The following TMEM135 variants were observed in gnomAD, a reference collection of about 807,000 sequenced individuals.
TMEM135 encodes peroxisomal membrane protein 52.
TMEM135 carries 30 observed loss-of-function variants against 60.3 expected under a neutral mutation model. That is an observed-to-expected ratio of 0.50 (90% CI 0.37 to 0.68). The LOEUF (loss-of-function observed/expected upper bound fraction) is 0.68. Ranked by LOEUF, TMEM135 falls within the 30% of genes least tolerant of loss-of-function variation. TMEM135 has a pLI of 0.00. For missense variants in TMEM135, 468 were observed against 548.8 expected (o/e 0.85, Z 1.47); for synonymous variants, 190 against 186.7 (o/e 1.02, Z -0.14).
chr11:87,229,492 A>C (rs1940841091), intron 5 of TMEM135, among the ~76,000 whole-genome samples: 1 of 152,164 alleles, frequency 6.6e-6, no homozygotes, highest in Non-Finnish European at 1.5e-5. Flanking sequence ...TAACTAGTGT[A>C]AGGGAATAGC....
intron 5 of TMEM135, among the ~76,000 whole-genome samples, chr11:87,200,910 T>C (rs649675): frequency 0.13 from 20,007 of 152,252 alleles, 1,371 homozygotes; most frequent in Non-Finnish European, 0.15. Flanking sequence ...CTTTAATATG[T>C]ATTTAAGACA....
chr11:87,088,200 A>G (rs1056519042), intron 3 of TMEM135, among the ~76,000 whole-genome samples: 1 of 152,200 alleles, frequency 6.6e-6, no homozygotes, highest in Non-Finnish European at 1.5e-5. Flanking sequence ...AACCCTGTAC[A>G]GGAACTGTGT....
At chr11:87,312,539 T>C (rs1942657282) in intron 10 of TMEM135, among the ~76,000 whole-genome samples, 1 of 151,962 alleles carries the variant, frequency 6.6e-6, no homozygotes, top group Admixed American at 6.6e-5. Flanking sequence ...TTAGGCTTTG[T>C]GACCATATGG....
intron 6 of TMEM135, among the ~76,000 whole-genome samples, chr11:87,251,022 T>C (rs1263927035): frequency 6.6e-6 from 1 of 152,040 alleles, no homozygotes; most frequent in Non-Finnish European, 1.5e-5. Flanking sequence ...ATGAGGAAGA[T>C]GAAAAACGCT....
In TMEM135 at chr11:87,220,641, A is replaced by T. The variant is rs1050771021; in HGVS notation, c.463-15997A>T. Among the ~76,000 whole-genome samples the T allele has an allele frequency of 2.0e-5, 3 of 152,174 alleles. No homozygotes were observed. In the East Asian group the frequency reaches 5.8e-4, roughly 29 times the overall value. On this transcript the variant is annotated intron_variant, in intron 5 of 14. Coordinates refer to ENST00000305494, the MANE Select transcript of TMEM135 (RefSeq NM_022918.4). Reference sequence around the variant, plus strand: ...GGTATTTAGACATCGTGTTTTAGAAATATCCCAGAGAGAATGTTCTACATG... The same window carrying T: ...GGTATTTAGACATCGTGTTTTAGAATTATCCCAGAGAGAATGTTCTACATG...
intron 4 of TMEM135, among the ~76,000 whole-genome samples, chr11:87,154,460 AG>A (rs542102648): frequency 2.7e-4 from 41 of 152,312 alleles, no homozygotes; most frequent in African/African-American, 9.4e-4. Context: ...TCTCTTTGAG[AG>A]CCTACATTCA....
chr11:87,166,657 G>A (rs1411421203), intron 5 of TMEM135, among the ~76,000 whole-genome samples: 1 of 151,494 alleles, frequency 6.6e-6, no homozygotes, highest in Non-Finnish European at 1.5e-5. Flanking sequence ...CTGTTCCATT[G>A]GCCTATATAT....
intron 5 of TMEM135, among the ~76,000 whole-genome samples, chr11:87,225,309 C>T (rs1185012750): frequency 1.3e-5 from 2 of 151,932 alleles, no homozygotes; most frequent in African/African-American, 4.8e-5. Context: ...GGTAATGATC[C>T]CTACATCGCA....
chr11:87,264,900 G>T (rs1364888625), intron 6 of TMEM135, among the ~76,000 whole-genome samples: 1 of 151,898 alleles, frequency 6.6e-6, no homozygotes, highest in Non-Finnish European at 1.5e-5. Flanking sequence ...TTTTAAAGCT[G>T]TGAACTACTT....
chr11:87,054,689 C>G (rs142256145), intron 1 of TMEM135, among the ~76,000 whole-genome samples: 47 of 152,212 alleles, frequency 3.1e-4, no homozygotes, highest in African/African-American at 1.1e-3. Context: ...GATTAATCCA[C>G]TTTGGGAGTT....
chr11:87,264,535 T>C (rs1941713303), intron 6 of TMEM135, among the ~76,000 whole-genome samples: 1 of 151,914 alleles, frequency 6.6e-6, no homozygotes, highest in Admixed American at 6.6e-5. Context: ...TTAGCATATG[T>C]TTATAATCGC....
chr11:87,322,578 T>G lies in TMEM135; in HGVS notation c.*1245T>G, dbSNP rs1211274191. 2.2e-6 allele frequency: 1 copy of G among 453,914 alleles called. No individual in the cohort carries two copies. The highest frequency in any genetic ancestry group is 1.6e-5 in the South Asian group (1 of 64,474). The allele number at this position is 453,914 out of a possible 1,614,324, so 28.1% of individuals were successfully genotyped here. On this transcript the variant is annotated 3_prime_UTR_variant, in exon 15 of 15. Coordinates refer to ENST00000305494, the MANE Select transcript of TMEM135 (RefSeq NM_022918.4). ...GAAGTGGTCTACAGTTAATGTGACATGTAGGGATGATGATATTTTTAAAAT... is the reference window on the plus strand; with the variant it reads ...GAAGTGGTCTACAGTTAATGTGACAGGTAGGGATGATGATATTTTTAAAAT...
chr11:87,268,903 T>C (rs945530969), intron 6 of TMEM135, among the ~76,000 whole-genome samples: 3 of 152,188 alleles, frequency 2.0e-5, no homozygotes, highest in African/African-American at 7.2e-5. Flanking sequence ...ACAGTTCTGC[T>C]TAAGATGCCT....
intron 1 of TMEM135, among the ~76,000 whole-genome samples, chr11:87,054,377 T>C (rs1235156428): frequency 1.3e-5 from 2 of 152,166 alleles, no homozygotes. Flanking sequence ...GAGGTTGCGA[T>C]GAGCCTAGAT....
intron 4 of TMEM135, among the ~76,000 whole-genome samples, chr11:87,136,221 A>C (rs892114673): frequency 1.3e-5 from 2 of 152,156 alleles, no homozygotes; most frequent in African/African-American, 4.8e-5. Flanking sequence ...GAGTTAAAAA[A>C]ATTTTTGGAA....
At chr11:87,112,820 T>C (rs1281946414) in intron 4 of TMEM135, among the ~76,000 whole-genome samples, 1 of 152,096 alleles carries the variant, frequency 6.6e-6, no homozygotes, top group Non-Finnish European at 1.5e-5. Context: ...GGTTTTTTTT[T>C]CTTCCAATAA....
chr11:87,091,087 A>G lies in TMEM135; in HGVS notation c.363-275A>G, dbSNP rs568800838. ...ATTATACCACTCTTGCCAATAACAA[A>G]TAACAATGGGGAAATAGTAATTTTA... On this transcript the variant is annotated intron_variant, in intron 3 of 14. Coordinates refer to ENST00000305494, the MANE Select transcript of TMEM135 (RefSeq NM_022918.4). 1.1e-4 allele frequency among the ~76,000 whole-genome samples: 17 copies of G among 152,202 alleles called. No homozygotes were observed. In the South Asian group the frequency reaches 3.5e-3, roughly 32 times the overall value.
intron 1 of TMEM135, among the ~76,000 whole-genome samples, chr11:87,054,918 C>T (rs1949878626): frequency 6.6e-6 from 1 of 152,130 alleles, no homozygotes; most frequent in Admixed American, 6.6e-5. Flanking sequence ...TGTATTTACT[C>T]TGAATCTTCA....
chr11:87,315,324 A>T (rs755361815), intron 12 of TMEM135, among the ~76,000 whole-genome samples: 6 of 151,928 alleles, frequency 3.9e-5, no homozygotes, highest in Non-Finnish European at 5.9e-5. Flanking sequence ...TTTAGTTGTT[A>T]ACTAGATCTT....
Sources: gnomAD v4.1 joint callset for allele counts (sites outside exome capture counted in the v4.1 genomes callset) on GRCh38, gnomAD v4.1.1 for gene constraint, MANE v1.5 for transcripts, NCBI Gene and HGNC (gene_info 2026-07-23, HGNC 2026-07-21) for gene names.